XPC: variants seen among roughly 807,000 people sequenced by gnomAD.
XPC encodes XPC complex subunit, DNA damage recognition and repair factor, also known as DNA repair protein complementing XP-C cells.
In XPC, 76 loss-of-function variants were observed where a neutral mutation model predicts 95.8. The observed-to-expected ratio is 0.79, with a 90% CI of 0.66 to 0.96. XPC has a LOEUF of 0.96. XPC is among the 40% of genes least tolerant of loss of function. The pLI, the probability that XPC is intolerant of heterozygous loss-of-function variation, is 0.00. For missense variants in XPC, 1,146 were observed against 1,179.8 expected, an observed-to-expected ratio of 0.97 and a Z score of 0.42; for synonymous variants, 442 against 442.1, an observed-to-expected ratio of 1.00 and a Z score of 0.00.
At chr3:14,172,667 G>A (rs1465569800) in intron 2 of XPC, among the ~76,000 whole-genome samples, 200 bp downstream of exon 2, 1 of 152,194 alleles carries the variant, frequency 6.6e-6, no homozygotes, top group African/African-American at 2.4e-5. Context: ...GTGGAAGCAT[G>A]AATAAATCAC....
chr3:14,145,782 G>T lies in XPC; in HGVS notation c.*159C>A. On this transcript the variant is annotated 3_prime_UTR_variant, in exon 16 of 16. Transcript: ENST00000285021. ...GGGACCTGCAGCACCTCCTCAGCTT[G>T]GCCTCGTCTCCCCTGACCCCGCCTC... 1 of 859,598 alleles carries T rather than the reference G, an allele frequency of 1.2e-6. No individual in the cohort carries two copies. The highest frequency in any genetic ancestry group is 1.9e-6 in the Non-Finnish European group (1 of 529,664). The allele number at this position is 859,598 out of a possible 1,614,324, so 53.2% of individuals were successfully genotyped here. A position where few individuals can be genotyped will look rare whatever the true frequency, so the allele number is the denominator to read the frequency against.
At chr3:14,147,608 T>C in intron 14 of XPC, 1 of 606,370 alleles carries the variant, frequency 1.6e-6, no homozygotes, top group East Asian at 2.8e-5. Context: ...GACTCCAAAA[T>C]CTTTAGTGGG....
intron 5 of XPC, chr3:14,165,966 GGA>G: frequency 4.4e-6 from 1 of 225,048 alleles, no homozygotes; most frequent in Non-Finnish European, 9.1e-6. Context: ...GAGTGGAGCT[GGA>G]GAGACTGCTG....
chr3:14,159,763 G>T lies in XPC; in HGVS notation c.968C>A (p.Pro323His). The change falls in exon 8 of 16, where the codon CCT becomes CAT. Residue 323 changes from proline (P) to histidine (H), a missense_variant. Coordinates refer to ENST00000285021, the MANE Select transcript of XPC (RefSeq NM_004628.5). ...CACCTTTGCTGTTGCTGACTTCAGA[G>T]GAATTGGCTGTAGAGACAATACCAG... is the stretch of plus-strand genomic sequence containing the variant. ...TRLVLSLQPI[P>H]LKSATAKGKK... is the part of the protein sequence containing the mutation. 1 of 1,563,564 alleles carries T rather than the reference G, an allele frequency of 6.4e-7. No individual in the cohort carries two copies. Among genetic ancestry groups the T allele is most frequent in the East Asian group, 2.4e-5 (1 of 41,922 alleles).
At chr3:14,161,853 A>G (rs1696179477) in intron 7 of XPC, among the ~76,000 whole-genome samples, 1 of 151,998 alleles carries the variant, frequency 6.6e-6, no homozygotes, top group African/African-American at 2.4e-5. Context: ...CTGGACAGGA[A>G]GAAGTAAAAT....
chr3:14,158,545 C>T lies in XPC; in HGVS notation c.1338G>A (p.Glu446=), dbSNP rs1696028649. ...SDEAGSGSDF[E]LSSGEASDPS... ...GATCAGAGGCTTCTCCACTGGAGAG[C>T]TCAAAATCAGAGCCGCTGCCAGCCT... is the stretch of plus-strand genomic sequence containing the variant. Residue 446 remains glutamate, a synonymous_variant, in exon 9 of 16, where the codon GAG becomes GAA. Transcript: ENST00000285021. This position sits in a 1 kb window ranked among gnomAD's most constrained non-coding sequence, Gnocchi z 5.2. 2 of 1,613,470 alleles carry T rather than the reference C, an allele frequency of 1.2e-6. No individual in the cohort carries two copies. The highest frequency in any genetic ancestry group is 4.5e-5 in the East Asian group (2 of 44,830).
Position 14,165,488 on chromosome 3 carries a change from CG to C in XPC, c.718del (p.Arg240AlafsTer19). 1 of 1,606,576 alleles carries C rather than the reference CG, an allele frequency of 6.2e-7. No individual in the cohort carries two copies. The highest frequency in any genetic ancestry group is 8.5e-7 in the Non-Finnish European group (1 of 1,176,404). On this transcript the variant is annotated frameshift_variant, in exon 6 of 16. Transcript: ENST00000285021. LOFTEE classifies it high-confidence loss of function. ...ATCTCGAGGCAGCACTCTGGTAAAG[CG>C]GGCTGGGATGATGGACAGGCCAATA... ...HAIGLSIIPA[R>X]FTRVLPRDVD...
rs778940656 is a variant in XPC at position 14,168,279 on chromosome 3, G to C, written c.514C>G (p.Gln172Glu). The change falls in exon 4 of 16, where the codon CAG becomes GAG. Residue 172 changes from glutamine (Q) to glutamate (E), a missense_variant. By Grantham distance (29) the Gln-to-Glu change is conservative. Transcript: ENST00000285021. The stretch of plus-strand genomic sequence containing the variant: ...TACCTTCTTTCTCTTGTCTTCGCCT[G>C]CTCTGGCGTTTCAATCTCTATCTCC... Reference protein sequence around the residue: ...PVEIEIETPEQAKTRERSEKI... With the variant: ...PVEIEIETPEEAKTRERSEKI... 25 of 1,613,130 alleles carry C rather than the reference G, an allele frequency of 1.5e-5. No individual in the cohort carries two copies. The highest frequency in any genetic ancestry group is 1.7e-5 in the Admixed American group (1 of 59,844).
At chr3:14,148,428 C>A in intron 13 of XPC, 134 bp downstream of exon 13, 1 of 1,243,954 alleles carries the variant, frequency 8.0e-7, no homozygotes, top group Non-Finnish European at 1.1e-6. Context: ...CTTTGCAAAT[C>A]CAGTGTAACA....
intron 10 of XPC, chr3:14,152,996 TAAGAGCTCACCA>T (rs1695757776): frequency 6.6e-6 from 1 of 152,306 alleles, no homozygotes; most frequent in East Asian, 1.9e-4. Context: ...CCTCCCGAGC[TAAGAGCTCACCA>T]AAGCCGTGCA....
intron 1 of XPC, among the ~76,000 whole-genome samples, chr3:14,173,282 T>C (rs967743120): frequency 2.6e-5 from 4 of 152,218 alleles, no homozygotes; most frequent in African/African-American, 9.7e-5. Context: ...ATCAGCACTT[T>C]ACTTCTCCTA....
At chr3:14,168,868 T>C (rs1352567051) in intron 3 of XPC, among the ~76,000 whole-genome samples, 1 of 152,200 alleles carries the variant, frequency 6.6e-6, no homozygotes, top group Non-Finnish European at 1.5e-5. Flanking sequence ...AAAAAATATA[T>C]CCTTTTCATC....
In XPC at chr3:14,178,455, C is replaced by A; in HGVS notation, c.103+11G>T. 1.2e-6 allele frequency: 2 copies of A among 1,602,398 alleles called. No homozygotes were observed. Among genetic ancestry groups the A allele is most frequent in the Non-Finnish European group, 1.7e-6 (2 of 1,174,348 alleles). On this transcript the variant is annotated intron_variant, in intron 1 of 15. Coordinates refer to ENST00000285021, the MANE Select transcript of XPC (RefSeq NM_004628.5). Reference sequence around the variant, plus strand: ...GCGTCTCCCGCGAAGCCCGCTGGGCCTCGCTCTCACCCTCCTCCTCCTCCT... The same window carrying A: ...GCGTCTCCCGCGAAGCCCGCTGGGCATCGCTCTCACCCTCCTCCTCCTCCT...
chr3:14,167,072 T>G, intron 5 of XPC, 97 bp downstream of exon 5: 6 of 1,112,796 alleles, frequency 5.4e-6, no homozygotes, highest in Non-Finnish European at 7.4e-6. Context: ...AAACTTGCCA[T>G]GGCCACAGAG....
Position 14,178,301 on chromosome 3 carries a change from G to A in XPC, c.103+165C>T, listed in dbSNP as rs898291802. ...TCTGGGTGCGCAGGACAAAGACGCG[G>A]GGACAGCGGGGAGGGCCGGCCGCAG... On this transcript the variant is annotated intron_variant, in intron 1 of 15. Coordinates refer to ENST00000285021, the MANE Select transcript of XPC (RefSeq NM_004628.5). 12 of 741,928 alleles carry A rather than the reference G, an allele frequency of 1.6e-5. No individual in the cohort carries two copies. In the African/African-American group the frequency reaches 2.3e-4, roughly 14 times the overall value. The allele number at this position is 741,928 out of a possible 1,614,324, so 46.0% of individuals were successfully genotyped here.
intron 2 of XPC, 142 bp downstream of exon 2, chr3:14,172,725 C>CCGGT: frequency 2.2e-6 from 2 of 918,468 alleles, no homozygotes; most frequent in Non-Finnish European, 1.5e-6. Flanking sequence ...CCAGCTCTTA[C>CCGGT]CGGTCTGAGT....
chr3:14,167,049 C>CAG (rs937489913), intron 5 of XPC, 120 bp downstream of exon 5: 4 of 836,418 alleles, frequency 4.8e-6, no homozygotes, highest in Non-Finnish European at 7.1e-6. Context: ...TGCAAAGGCT[C>CAG]AGAGAGAGTA....
At position 14,172,975 on chromosome 3, in the gene XPC, C is replaced by G. The variant is rs183478541; in HGVS notation, c.191G>C (p.Gly64Ala). The G allele has an allele frequency of 1.5e-4, 249 of 1,613,900 alleles. No individual in the cohort carries two copies. The highest frequency in any genetic ancestry group is 1.8e-4 in the Non-Finnish European group (207 of 1,179,828). The change falls in exon 2 of 16, where the codon GGG (glycine) becomes GCG (alanine). Residue 64 changes from glycine (G) to alanine (A), a missense_variant. Transcript: ENST00000285021. ...TTTTGCTGGACCATCTGCTGAACCCCCAGGATGACTGCAGCCTCTTTTCCT... is the reference window on the plus strand; with the variant it reads ...TTTTGCTGGACCATCTGCTGAACCCGCAGGATGACTGCAGCCTCTTTTCCT... ...GKRKRGCSHP[G>A]GSADGPAKKK...
intron 10 of XPC, 110 bp from the exon 11 acceptor site, chr3:14,152,526 C>T (rs1695737137): frequency 9.3e-7 from 1 of 1,079,926 alleles, no homozygotes; most frequent in Non-Finnish European, 1.3e-6. Context: ...GTTCAGCCAC[C>T]CTGGAGCAGG....
Sources: allele counts gnomAD v4.1 joint callset (sites outside exome capture counted in the v4.1 genomes callset), GRCh38; gene constraint gnomAD v4.1.1; non-coding constraint Gnocchi (gnomAD v3.1); transcripts MANE v1.5; gene names NCBI Gene and HGNC (gene_info 2026-07-23, HGNC 2026-07-21).